Variants in ADGRA1 observed in about 807,000 individuals in gnomAD.
The protein encoded by ADGRA1 is adhesion G protein-coupled receptor A1.
In ADGRA1, 12 loss-of-function variants were observed where a neutral mutation model predicts 21.3. The ratio of observed to expected loss-of-function variants is 0.56; its 90% CI spans 0.36 to 0.91. ADGRA1 has a LOEUF of 0.91. Among genes scored for constraint, ADGRA1 ranks in the 40% least tolerant of loss-of-function variants. ADGRA1 has a pLI of 0.01. For synonymous variants in ADGRA1, 385 were observed against 368.8 expected (o/e 1.04, Z -0.50); for missense variants, 790 against 805.6 (o/e 0.98, Z 0.23).
At chr10:133,106,263 C>T (rs1851892129) in intron 5 of ADGRA1, among the ~76,000 whole-genome samples, 1 of 152,212 alleles carries the variant, frequency 6.6e-6, no homozygotes, top group African/African-American at 2.4e-5. Context: ...TGGAGCTTCC[C>T]TGCTTCAGTC....
At chr10:133,123,687 G>T (rs375641166) in intron 5 of ADGRA1, among the ~76,000 whole-genome samples, 1 of 148,224 alleles carries the variant, frequency 6.7e-6, no homozygotes, top group Non-Finnish European at 1.5e-5. Context: ...CTGGGCCGAC[G>T]TCGAGTTGTG....
rs777060352 is a variant in ADGRA1 at position 133,098,751 on chromosome 10, C to T, written c.243C>T (p.Ile81=). ...GCATCAATCGCACCAAGTACCCCAT[C>T]CTGTGCCAGGCGGTGAGTGCCGGGG... ...AGGINRTKYP[I]LCQAVGIVLH... Residue 81 remains isoleucine (I), a synonymous_variant, in exon 4 of 7, where the codon ATC becomes ATT. Coordinates refer to ENST00000392607, the MANE Select transcript of ADGRA1 (RefSeq NM_001083909.3). 6.2e-7 allele frequency: 1 copy of T among 1,611,440 alleles called. No homozygotes were observed. The highest frequency in any genetic ancestry group is 1.7e-5 in the Admixed American group (1 of 60,006).
chr10:133,105,613 C>T (rs544257627), intron 5 of ADGRA1, among the ~76,000 whole-genome samples: 57 of 152,340 alleles, frequency 3.7e-4, no homozygotes, highest in African/African-American at 1.2e-3. Flanking sequence ...GCATTTCACA[C>T]GCCTGAGCCC....
chr10:133,097,513 C>A (rs1851708299), intron 3 of ADGRA1, among the ~76,000 whole-genome samples: 1 of 152,214 alleles, frequency 6.6e-6, no homozygotes, highest in South Asian at 2.1e-4. Context: ...TCAGGGTGGG[C>A]ATGCCCACAG....
At chr10:133,089,443 C>T (rs745519876) in intron 2 of ADGRA1, among the ~76,000 whole-genome samples, 1 of 152,214 alleles carries the variant, frequency 6.6e-6, no homozygotes, top group Non-Finnish European at 1.5e-5. Flanking sequence ...GGAAGGGGCT[C>T]GTGGCTGGCA....
intron 4 of ADGRA1, among the ~76,000 whole-genome samples, chr10:133,099,843 G>C (rs1418172526): frequency 1.2e-4 from 18 of 152,220 alleles, no homozygotes. Flanking sequence ...CTTGCCAGGG[G>C]TCCACCCTGC....
intron 5 of ADGRA1, among the ~76,000 whole-genome samples, chr10:133,103,244 C>T (rs1737999250): frequency 1.3e-5 from 2 of 152,294 alleles, no homozygotes; most frequent in South Asian, 2.1e-4. Context: ...TGGCGTGAGA[C>T]CCTCTATGCC....
At chr10:133,128,208 A>G in intron 6 of ADGRA1, 121 bp from the exon 7 acceptor site, 1 of 684,584 alleles carries the variant, frequency 1.5e-6, no homozygotes, top group Admixed American at 3.5e-5. Flanking sequence ...AAGGCCCCCA[A>G]GCCGCAGCTG....
intron 5 of ADGRA1, among the ~76,000 whole-genome samples, chr10:133,104,680 C>G (rs754808115): frequency 6.6e-5 from 10 of 152,164 alleles, no homozygotes; most frequent in Admixed American, 3.3e-4. Flanking sequence ...CACACAGTGC[C>G]GTGTTCCAGC....
chr10:133,096,855 C>G, intron 2 of ADGRA1, 119 bp from the exon 3 acceptor site: 2 of 1,273,768 alleles, frequency 1.6e-6, no homozygotes, highest in Non-Finnish European at 2.2e-6. Context: ...TGAGACCCCA[C>G]ACGAAAATGC....
intron 5 of ADGRA1, among the ~76,000 whole-genome samples, chr10:133,121,568 G>T (rs1223320253): frequency 6.8e-6 from 1 of 147,056 alleles, no homozygotes; most frequent in Non-Finnish European, 1.5e-5. Context: ...GCTTGTTTGT[G>T]TGCATGCCTG....
chr10:133,104,150 A>G (rs556926095), intron 5 of ADGRA1, among the ~76,000 whole-genome samples: 2 of 152,334 alleles, frequency 1.3e-5, no homozygotes, highest in South Asian at 2.1e-4. Flanking sequence ...TGTTCCAGCA[A>G]ACAGCACTCA....
At chr10:133,094,451 C>T (rs1453308135) in intron 2 of ADGRA1, among the ~76,000 whole-genome samples, 1 of 152,218 alleles carries the variant, frequency 6.6e-6, no homozygotes, top group Non-Finnish European at 1.5e-5. Context: ...GTGGCACCGC[C>T]CCTCGCCCCC....
intron 5 of ADGRA1, among the ~76,000 whole-genome samples, chr10:133,104,434 C>T (rs1342095989): frequency 1.3e-5 from 2 of 152,226 alleles, no homozygotes; most frequent in African/African-American, 2.4e-5. Flanking sequence ...CTCTTCCATC[C>T]GGTGTCTGCC....
intron 2 of ADGRA1, among the ~76,000 whole-genome samples, chr10:133,092,668 A>G (rs954741351): frequency 6.6e-6 from 1 of 152,004 alleles, no homozygotes; most frequent in Admixed American, 6.6e-5. Flanking sequence ...AGGAAGTAAA[A>G]CAGGGAGAAC....
Position 133,128,969 on chromosome 10 carries a change from A to C in ADGRA1, c.1141A>C (p.Thr381Pro). Reference protein sequence around the residue: ...QGHASCLSPATPCCAKMHCEP... With the variant: ...QGHASCLSPAPPCCAKMHCEP... ...CCACGCCAGTTGCCTGTCACCGGCC[A>C]CCCCGTGCTGCGCCAAGATGCACTG... The change falls in exon 7 of 7, where the codon ACC (threonine) becomes CCC (proline). Residue 381 changes from threonine (T) to proline (P), a missense_variant. Physicochemically the swap from Thr to Pro is conservative, Grantham distance 38. Coordinates refer to ENST00000392607, the MANE Select transcript of ADGRA1 (RefSeq NM_001083909.3). The C allele has an allele frequency of 6.4e-7, 1 of 1,555,764 alleles. No individual in the cohort carries two copies. Among genetic ancestry groups the C allele is most frequent in the Non-Finnish European group, 8.7e-7 (1 of 1,151,978 alleles).
intron 2 of ADGRA1, chr10:133,092,876 G>GGAAA: frequency 6.8e-7 from 1 of 1,471,060 alleles, no homozygotes; most frequent in Non-Finnish European, 9.2e-7. Flanking sequence ...AAGGAAGGAA[G>GGAAA]GAAATGAAGG....
In ADGRA1 at chr10:133,131,444, T is replaced by G. The variant is rs1852524660; in HGVS notation, c.*1933T>G. 6.6e-6 allele frequency: 1 copy of G among 152,318 alleles called. No individual in the cohort carries two copies. The highest frequency in any genetic ancestry group is 1.5e-5 in the Non-Finnish European group (1 of 68,084). 9.4% of individuals were successfully genotyped at this position (152,318 alleles called of 1,614,324 possible). ...TGGCATTGTTTGTTCTTTGTGAGGC[T>G]GGTTAATAGCATCCCCGTGTGTTTT... On this transcript the variant is annotated 3_prime_UTR_variant, in exon 7 of 7. Coordinates refer to ENST00000392607, the MANE Select transcript of ADGRA1 (RefSeq NM_001083909.3).
chr10:133,116,810 C>T (rs1429674832), intron 5 of ADGRA1, among the ~76,000 whole-genome samples: 8 of 152,112 alleles, frequency 5.3e-5, no homozygotes, highest in Admixed American at 3.9e-4. Context: ...TGGTCAGTTC[C>T]GAGTCAGGCA....
Sources: gnomAD v4.1 joint callset for allele counts (sites outside exome capture counted in the v4.1 genomes callset) on GRCh38, gnomAD v4.1.1 for gene constraint, MANE v1.5 for transcripts, NCBI Gene and HGNC (gene_info 2026-07-23, HGNC 2026-07-21) for gene names.